MCPH1: variants seen among roughly 807,000 people sequenced by gnomAD.
MCPH1 encodes microcephalin.
Under a neutral mutation model 84.5 loss-of-function variants are expected in MCPH1, and 104 were observed. The observed-to-expected ratio is 1.23, with a 90% confidence interval of 1.05 to 1.45. The LOEUF (loss-of-function observed/expected upper bound fraction) is 1.45. Ranked by LOEUF, MCPH1 falls within the 40% of genes most tolerant of loss-of-function variation. MCPH1 has a pLI of 0.00. For missense variants in MCPH1, 1,498 were observed against 1,005.7 expected (o/e 1.49, Z -6.62); for synonymous variants, 514 against 366.8 (o/e 1.40, Z -4.58).
rs1052552630 is a variant in MCPH1, at chr8:6,508,779, G to T, written c.2214+8850G>T. 14 of 1,129,638 alleles carry T rather than the reference G, an allele frequency of 1.2e-5. No homozygotes were observed. In the African/African-American group the frequency reaches 1.9e-4, roughly 15 times the overall value. The allele number at this position is 1,129,638 out of a possible 1,614,324, so 70.0% of individuals were successfully genotyped here. On this transcript the variant is annotated intron_variant, in intron 12 of 13. Coordinates refer to ENST00000344683, the MANE Select transcript of MCPH1 (RefSeq NM_024596.5). ...ACTTAAAACTTAGTCTAAAAAAAGT[G>T]AAAAACACATTTACCTATATCAAGC... is the stretch of plus-strand genomic sequence containing the variant.
At chr8:6,622,963 C>T (rs1205460193) in intron 13 of MCPH1, among the ~76,000 whole-genome samples, 1 of 152,012 alleles carries the variant, frequency 6.6e-6, no homozygotes. Context: ...GCCTCAGCCT[C>T]CCAAGTAGCT....
chr8:6,556,654 C>T (rs989175952), intron 12 of MCPH1, among the ~76,000 whole-genome samples: 1 of 151,876 alleles, frequency 6.6e-6, no homozygotes, highest in African/African-American at 2.4e-5. Context: ...CACTTTGTTG[C>T]CCAGGCTGGA....
chr8:6,639,114 T>A (rs1797757173), intron 13 of MCPH1, among the ~76,000 whole-genome samples: 1 of 152,126 alleles, frequency 6.6e-6, no homozygotes. Context: ...GCAGCCTTTA[T>A]CCCCACCACG....
At chr8:6,640,130 G>T (rs1797852834) in intron 13 of MCPH1, among the ~76,000 whole-genome samples, 1 of 151,524 alleles carries the variant, frequency 6.6e-6, no homozygotes, top group Non-Finnish European at 1.5e-5. Flanking sequence ...GCGTGTGTGT[G>T]TGTGTTTTCT....
intron 12 of MCPH1, among the ~76,000 whole-genome samples, chr8:6,593,797 GA>G (rs1563165504): frequency 6.6e-6 from 1 of 152,220 alleles, no homozygotes. Context: ...GACTTCTCAA[GA>G]AAAGACAGCC....
At chr8:6,507,592 T>TTTTTC (rs1814027553) in intron 12 of MCPH1, 1 of 136,796 alleles carries the variant, frequency 7.3e-6, no homozygotes, top group Non-Finnish European at 1.5e-5. Flanking sequence ...TTTTTTTTTT[T>TTTTTC]TTTGAGTGAA....
intron 12 of MCPH1, among the ~76,000 whole-genome samples, chr8:6,609,947 T>A (rs1464797267): frequency 6.6e-6 from 1 of 152,086 alleles, no homozygotes; most frequent in Non-Finnish European, 1.5e-5. Flanking sequence ...CTTTGGCAGT[T>A]CTCTCAACTT....
chr8:6,512,208 CTGTT>C (rs1256249714), intron 12 of MCPH1, among the ~76,000 whole-genome samples: 2 of 152,170 alleles, frequency 1.3e-5, no homozygotes, highest in African/African-American at 4.8e-5. Context: ...TTTTCATCCA[CTGTT>C]TGTACAGCAG....
At chr8:6,520,213 A>T (rs1005623000) in intron 12 of MCPH1, among the ~76,000 whole-genome samples, 3 of 152,198 alleles carry the variant, frequency 2.0e-5, no homozygotes, top group Non-Finnish European at 4.4e-5. Context: ...AATTCCATGT[A>T]ATTAAAATAC....
intron 12 of MCPH1, among the ~76,000 whole-genome samples, chr8:6,617,618 T>C (rs924779607): frequency 1.3e-5 from 2 of 149,696 alleles, no homozygotes; most frequent in Non-Finnish European, 3.0e-5. Context: ...GGTGTGTGCA[T>C]GTGTGTGTGT....
intron 12 of MCPH1, among the ~76,000 whole-genome samples, chr8:6,601,522 G>GGGACAC (rs1554472469): frequency 2.1e-5 from 3 of 143,984 alleles, no homozygotes; most frequent in Admixed American, 6.9e-5. Context: ...CATCATATGG[G>GGGACAC]ACACACACAC....
chr8:6,640,918 C>T (rs1167111186), intron 13 of MCPH1, among the ~76,000 whole-genome samples: 1 of 152,166 alleles, frequency 6.6e-6, no homozygotes, highest in Non-Finnish European at 1.5e-5. Flanking sequence ...CCCTGTGAGT[C>T]ATCTCTTACA....
intron 3 of MCPH1, among the ~76,000 whole-genome samples, chr8:6,417,582 C>T (rs1204395953): frequency 6.6e-6 from 1 of 152,028 alleles, no homozygotes; most frequent in Non-Finnish European, 1.5e-5. Flanking sequence ...CCATCAAATC[C>T]ATTCTGCTAC....
At chr8:6,489,877 T>C (rs1401559972) in intron 11 of MCPH1, among the ~76,000 whole-genome samples, 2 of 152,198 alleles carry the variant, frequency 1.3e-5, no homozygotes, top group Non-Finnish European at 2.9e-5. Context: ...AGATTATGTA[T>C]ATTAATGAAA....
At chr8:6,543,362 C>G (rs563128400) in intron 12 of MCPH1, among the ~76,000 whole-genome samples, 32 of 152,250 alleles carry the variant, frequency 2.1e-4, no homozygotes, top group African/African-American at 7.5e-4. Context: ...CGAACTGCTC[C>G]TCGTCTCCTG....
At chr8:6,484,596 A>G (rs893687300) in intron 11 of MCPH1, among the ~76,000 whole-genome samples, 10 of 152,244 alleles carry the variant, frequency 6.6e-5, no homozygotes, top group Admixed American at 6.5e-5. Context: ...CTTACTTATC[A>G]TCAGCTGGAC....
chr8:6,465,945 A>ATCCC (rs1429059958), intron 9 of MCPH1, among the ~76,000 whole-genome samples: 1 of 140,084 alleles, frequency 7.1e-6, no homozygotes, highest in Non-Finnish European at 1.5e-5. Context: ...CCATCCATCC[A>ATCCC]TGCATCCATC....
At chr8:6,614,949 C>T (rs564863995) in intron 12 of MCPH1, among the ~76,000 whole-genome samples, 142 of 152,258 alleles carry the variant, frequency 9.3e-4, no homozygotes, top group African/African-American at 3.3e-3. Context: ...CTGTCCTCCA[C>T]GTTGTCTGCA....
intron 13 of MCPH1, among the ~76,000 whole-genome samples, chr8:6,623,260 C>G (rs547598205): frequency 6.6e-6 from 1 of 152,048 alleles, no homozygotes; most frequent in Non-Finnish European, 1.5e-5. Flanking sequence ...TGGGCAGACA[C>G]AATTCAGCCC....
Sources: gnomAD v4.1 joint callset for allele counts (sites outside exome capture counted in the v4.1 genomes callset) on GRCh38, gnomAD v4.1.1 for gene constraint, MANE v1.5 for transcripts, NCBI Gene and HGNC (gene_info 2026-07-23, HGNC 2026-07-21) for gene names.